The following ASIC2 variants were observed in gnomAD, a reference collection of about 807,000 sequenced individuals.
ASIC2 encodes acid-sensing ion channel 2.
In ASIC2, 25 loss-of-function variants were observed where a neutral mutation model predicts 57.3. The observed-to-expected ratio is 0.44, with a 90% CI of 0.32 to 0.61. ASIC2 has a LOEUF of 0.61. ASIC2 is among the 20% of genes least tolerant of loss of function. The pLI is 0.06. For missense variants in ASIC2, 641 were observed against 738.1 expected (o/e 0.87, Z 1.52); for synonymous variants, 319 against 307.5 (o/e 1.04, Z -0.39).
chr17:33,700,428 T>C (rs913417079), intron 1 of ASIC2, among the ~76,000 whole-genome samples: 3 of 152,094 alleles, frequency 2.0e-5, no homozygotes, highest in African/African-American at 7.2e-5. Context: ...AAAATCAAAT[T>C]CTGTCCTGCC....
chr17:33,396,812 C>A (rs1183442700), intron 1 of ASIC2, among the ~76,000 whole-genome samples: 2 of 152,152 alleles, frequency 1.3e-5, no homozygotes, highest in East Asian at 3.9e-4. Context: ...GGGAAATTTA[C>A]CTAGTCCACT....
chr17:33,791,238 A>C (rs1004038315), intron 1 of ASIC2, among the ~76,000 whole-genome samples: 1 of 152,228 alleles, frequency 6.6e-6, no homozygotes, highest in Non-Finnish European at 1.5e-5. Context: ...GCAGGCAAGA[A>C]TCCTCATAAA....
intron 3 of ASIC2, among the ~76,000 whole-genome samples, chr17:33,073,084 T>C (rs892401421): frequency 1.3e-5 from 2 of 152,186 alleles, no homozygotes; most frequent in African/African-American, 2.4e-5. Context: ...CCGGGATCAG[T>C]TGAAGAATGG....
At chr17:33,869,305 G>A (rs1404863519) in intron 1 of ASIC2, among the ~76,000 whole-genome samples, 3 of 152,132 alleles carry the variant, frequency 2.0e-5, no homozygotes, top group Admixed American at 2.0e-4. Context: ...CTCATACACT[G>A]CTGGTGGGAA....
chr17:33,060,492 A>G (rs2092016319), intron 3 of ASIC2, among the ~76,000 whole-genome samples: 1 of 150,220 alleles, frequency 6.7e-6, no homozygotes. Context: ...ATTATTTCTG[A>G]GGGCTCTGTT....
At chr17:33,673,849 T>C (rs1041228071) in intron 1 of ASIC2, among the ~76,000 whole-genome samples, 10 of 151,990 alleles carry the variant, frequency 6.6e-5, no homozygotes, top group African/African-American at 2.4e-4. Flanking sequence ...GACCTGTCCT[T>C]TGAGCTGGGG....
chr17:34,134,966 T>C (rs1912088276), intron 1 of ASIC2, among the ~76,000 whole-genome samples: 2 of 152,218 alleles, frequency 1.3e-5, no homozygotes, highest in Non-Finnish European at 2.9e-5. Flanking sequence ...AACTTTGGAA[T>C]TCTAATTTTC....
At chr17:33,585,360 G>A (rs1904589873) in intron 1 of ASIC2, among the ~76,000 whole-genome samples, 1 of 152,206 alleles carries the variant, frequency 6.6e-6, no homozygotes, top group African/African-American at 2.4e-5. Flanking sequence ...GGGATCTCAT[G>A]TCTTGGTTCC....
chr17:33,238,188 G>A (rs1908368698), intron 1 of ASIC2, among the ~76,000 whole-genome samples: 1 of 152,216 alleles, frequency 6.6e-6, no homozygotes, highest in African/African-American at 2.4e-5. Context: ...ACGTGCTGGT[G>A]AAGGATCCCA....
chr17:34,156,657 A>T lies in ASIC2; in HGVS notation c.-125T>A. On this transcript the variant is annotated 5_prime_UTR_variant, in exon 1 of 10. Coordinates refer to the ASIC2 transcript ENST00000359872. The surrounding 1 kb of genome is among the most constrained non-coding windows in gnomAD (Gnocchi z 4.4). ...GAGAACGCAAGGCAAGCATCGCGCC[A>T]GATGCTGTGAGTTTATCCTGAGAGC... 2 of 1,014,414 alleles carry T rather than the reference A, an allele frequency of 2.0e-6. No individual in the cohort carries two copies. The highest frequency in any genetic ancestry group is 5.2e-5 in the East Asian group (2 of 38,208). 62.8% of individuals were successfully genotyped at this position (1,014,414 alleles called of 1,614,324 possible). A position where few individuals can be genotyped will look rare whatever the true frequency, so the allele number is the denominator to read the frequency against.
chr17:33,329,923 A>G (rs1290800049), intron 1 of ASIC2, among the ~76,000 whole-genome samples: 1 of 152,146 alleles, frequency 6.6e-6, no homozygotes, highest in African/African-American at 2.4e-5. Context: ...ACTTGGGGCA[A>G]GAGGGGAACG....
At chr17:34,088,416 G>A (rs567699717) in intron 1 of ASIC2, among the ~76,000 whole-genome samples, 1 of 152,316 alleles carries the variant, frequency 6.6e-6, no homozygotes, top group South Asian at 2.1e-4. Context: ...TGTCTCAGAG[G>A]AGTACCCGGC....
chr17:33,923,115 C>T (rs1053917316), intron 1 of ASIC2, among the ~76,000 whole-genome samples: 11 of 152,124 alleles, frequency 7.2e-5, no homozygotes, highest in Admixed American at 2.6e-4. Context: ...TCCTGGAGCT[C>T]GGGAGTTCTT....
At chr17:33,893,072 T>C (rs963270522) in intron 1 of ASIC2, among the ~76,000 whole-genome samples, 1 of 152,178 alleles carries the variant, frequency 6.6e-6, no homozygotes, top group East Asian at 1.9e-4. Context: ...TCCAAAGAAA[T>C]TACATACTAT....
At chr17:33,669,234 C>T (rs1364560871) in intron 1 of ASIC2, among the ~76,000 whole-genome samples, 1 of 152,142 alleles carries the variant, frequency 6.6e-6, no homozygotes, top group Admixed American at 6.5e-5. Flanking sequence ...AGAAATCTAC[C>T]CCAGGCACCA....
intron 1 of ASIC2, among the ~76,000 whole-genome samples, chr17:34,100,279 G>A (rs1910816862): frequency 6.6e-6 from 1 of 151,700 alleles, no homozygotes; most frequent in African/African-American, 2.4e-5. Context: ...ACATGTCAGG[G>A]AGGTGTGGAT....
intron 1 of ASIC2, among the ~76,000 whole-genome samples, chr17:33,516,622 T>C (rs1914580283): frequency 6.6e-6 from 1 of 152,214 alleles, no homozygotes; most frequent in African/African-American, 2.4e-5. Flanking sequence ...CAGGTAAGTC[T>C]AGTGTGCAAC....
chr17:34,074,267 T>C (rs1048941933), intron 1 of ASIC2, among the ~76,000 whole-genome samples: 1 of 152,196 alleles, frequency 6.6e-6, no homozygotes, highest in Non-Finnish European at 1.5e-5. Context: ...ATTAGAGCTC[T>C]ATCCCAAGGG....
chr17:33,739,950 GAAAAAAGAGAAAGAAAAGAAGA>G (rs947108548), intron 1 of ASIC2, among the ~76,000 whole-genome samples: 14 of 93,822 alleles, frequency 1.5e-4, no homozygotes, highest in African/African-American at 4.9e-4. Flanking sequence ...AGAAAGAAAA[GAAAAAAGAGAAAGAAAAGAAGA>G]AAGAAAGAAA....
Sources: allele counts gnomAD v4.1 joint callset (sites outside exome capture counted in the v4.1 genomes callset), GRCh38; gene constraint gnomAD v4.1.1; non-coding constraint Gnocchi (gnomAD v3.1); transcripts MANE v1.5; gene names NCBI Gene and HGNC (gene_info 2026-07-23, HGNC 2026-07-21).